Variants in ESYT2 observed in about 807,000 individuals in gnomAD.
The protein encoded by ESYT2 is extended synaptotagmin-2.
Under a neutral mutation model 107.2 loss-of-function variants are expected in ESYT2, and 54 were observed. That is an observed-to-expected ratio of 0.50 (90% CI 0.40 to 0.63). The LOEUF is 0.63. Among genes scored for constraint, ESYT2 ranks in the 30% least tolerant of loss-of-function variants. The pLI is 0.00. For missense variants in ESYT2, 1,020 were observed against 1,094.5 expected, an observed-to-expected ratio of 0.93 and a Z score of 0.96; for synonymous variants, 491 against 434.1, an observed-to-expected ratio of 1.13 and a Z score of -1.63.
At chr7:158,795,649 A>G (rs1420679028) in intron 3 of ESYT2, among the ~76,000 whole-genome samples, 1 of 152,202 alleles carries the variant, frequency 6.6e-6, no homozygotes, top group Non-Finnish European at 1.5e-5. Flanking sequence ...CCCCTGCTTT[A>G]CAGCATTTAA....
At chr7:158,734,493 G>T (rs201696543) in intron 21 of ESYT2, 22 bp from the exon 22 acceptor site, 17 of 1,609,430 alleles carry the variant, frequency 1.1e-5, no homozygotes, top group Non-Finnish European at 1.4e-5. Context: ...TAAAAAAGCA[G>T]TTAAAGTAGG....
intron 1 of ESYT2, among the ~76,000 whole-genome samples, chr7:158,813,242 C>A (rs926781540): frequency 1.3e-5 from 2 of 152,142 alleles, no homozygotes; most frequent in Non-Finnish European, 2.9e-5. Flanking sequence ...GTAAAAAGAT[C>A]AGTAAGCACA....
chr7:158,758,393 CG>C (rs1837840535), intron 13 of ESYT2, among the ~76,000 whole-genome samples: 1 of 152,148 alleles, frequency 6.6e-6, no homozygotes, highest in African/African-American at 2.4e-5. Context: ...AGTCTGACCA[CG>C]GCAAGGCAAG....
chr7:158,747,450 A>G (rs1315268847), intron 16 of ESYT2, among the ~76,000 whole-genome samples: 5 of 152,144 alleles, frequency 3.3e-5, no homozygotes, highest in Non-Finnish European at 7.4e-5. Flanking sequence ...CTGAATAGAC[A>G]TTTCACCATA....
In ESYT2 at chr7:158,819,642, T is replaced by C. The variant is rs1156795960; in HGVS notation, c.330+9447A>G. Among the ~76,000 whole-genome samples, 4 of 152,234 alleles carry C rather than the reference T, an allele frequency of 2.6e-5. No homozygotes were observed. The South Asian group carries it at 8.3e-4, about 31-fold the overall frequency. On this transcript the variant is annotated intron_variant, in intron 1 of 22. Transcript: ENST00000275418. ...CCAATGTAATGTTATCACTAGTTAG[T>C]AGAATTGCAGGTAACGTTTTTCTTC... is the stretch of plus-strand genomic sequence containing the variant.
rs77570412 is a variant in ESYT2 at position 158,809,877 on chromosome 7, C to A, written c.331-10805G>T. 4.9e-3 allele frequency among the ~76,000 whole-genome samples: 746 copies of A among 152,312 alleles called. 6 individuals are homozygous for A. The highest frequency in any genetic ancestry group is 0.017 in the African/African-American group (722 of 41,568). ...GCTGGCTGTTTCTGTAGCTCACTTT[C>A]TTTTTTCTGCTCATAAATCTTCTTC... On this transcript the variant is annotated intron_variant, in intron 1 of 22. Coordinates refer to ENST00000275418, the MANE Select transcript of ESYT2 (RefSeq NM_001367773.1).
intron 1 of ESYT2, among the ~76,000 whole-genome samples, chr7:158,809,708 G>T (rs1419850689): frequency 2.0e-5 from 3 of 152,172 alleles, no homozygotes; most frequent in Admixed American, 6.5e-5. Flanking sequence ...TTAACACATT[G>T]TAAGTTTCAG....
chr7:158,742,358 A>G (rs1435668904), intron 17 of ESYT2, among the ~76,000 whole-genome samples: 1 of 152,186 alleles, frequency 6.6e-6, no homozygotes, highest in East Asian at 1.9e-4. Context: ...CATCCTCCCC[A>G]GGCCACGTCT....
At chr7:158,745,207 C>G (rs1837355929) in intron 16 of ESYT2, among the ~76,000 whole-genome samples, 1 of 110,514 alleles carries the variant, frequency 9.0e-6, no homozygotes, top group Non-Finnish European at 2.2e-5. Flanking sequence ...ACTCACCTAT[C>G]TAATGAGACA....
At chr7:158,755,423 C>T (rs181527239) in intron 13 of ESYT2, among the ~76,000 whole-genome samples, 20 of 152,268 alleles carry the variant, frequency 1.3e-4, no homozygotes, top group East Asian at 7.7e-4. Context: ...ATTTTGGTAA[C>T]GCTCCTGATA....
Position 158,793,699 on chromosome 7 carries a change from A to G in ESYT2, c.535T>C (p.Tyr179His). Residue 179 changes from tyrosine to histidine, a missense_variant, in exon 4 of 23, where the codon TAC (tyrosine) becomes CAC (histidine). Physicochemically the swap from Tyr to His is moderately conservative, Grantham distance 83 (BLOSUM62 2). Coordinates refer to ENST00000275418, the MANE Select transcript of ESYT2 (RefSeq NM_001367773.1). ...TGCCTTTTGTCTACATTTTCAGTGT[A>G]TACCTTAACACCATTGATCCTGAGG... ...QPLRINGVKVYTENVDKRQII... is the reference protein window; with the variant it reads ...QPLRINGVKVHTENVDKRQII... The G allele has an allele frequency of 6.2e-7, 1 of 1,613,630 alleles. No individual in the cohort carries two copies. The highest frequency in any genetic ancestry group is 8.5e-7 in the Non-Finnish European group (1 of 1,179,842).
intron 1 of ESYT2, among the ~76,000 whole-genome samples, chr7:158,818,866 G>C (rs927636846): frequency 1.3e-5 from 2 of 152,246 alleles, no homozygotes; most frequent in Non-Finnish European, 2.9e-5. Flanking sequence ...GACGGTGGGA[G>C]CCTCAAAGCT....
intron 9 of ESYT2, 64 bp from the exon 10 acceptor site, chr7:158,763,229 T>C (rs1838035360): frequency 1.8e-6 from 2 of 1,114,732 alleles, no homozygotes; most frequent in South Asian, 1.6e-5. Context: ...CTGAGTATGA[T>C]ATGATGATTG....
chr7:158,820,943 G>C (rs913477250), intron 1 of ESYT2, among the ~76,000 whole-genome samples: 2 of 152,168 alleles, frequency 1.3e-5, no homozygotes, highest in East Asian at 1.9e-4. Context: ...ACCTAACACA[G>C]TACCTAGAAC....
At chr7:158,766,915 C>T (rs1030445806) in intron 8 of ESYT2, among the ~76,000 whole-genome samples, 5 of 152,136 alleles carry the variant, frequency 3.3e-5, no homozygotes. Flanking sequence ...TTCACTCCAC[C>T]CACCCCTTCC....
chr7:158,821,369 A>C (rs1001359313), intron 1 of ESYT2, among the ~76,000 whole-genome samples: 2 of 152,240 alleles, frequency 1.3e-5, no homozygotes, highest in African/African-American at 4.8e-5. Flanking sequence ...CCCGGCTATT[A>C]CAGTAGTACA....
intron 3 of ESYT2, among the ~76,000 whole-genome samples, chr7:158,794,011 C>T (rs1839384945): frequency 6.6e-6 from 1 of 152,226 alleles, no homozygotes; most frequent in East Asian, 1.9e-4. Flanking sequence ...TTGCCCACAG[C>T]AGTTAATAAG....
chr7:158,810,648 C>T (rs990450409), intron 1 of ESYT2, among the ~76,000 whole-genome samples: 1 of 152,010 alleles, frequency 6.6e-6, no homozygotes, highest in African/African-American at 2.4e-5. Flanking sequence ...CGTCACTGCG[C>T]TCCAGCCTGG....
intron 20 of ESYT2, 99 bp from the exon 21 acceptor site, chr7:158,735,707 ATGTT>A: frequency 3.5e-5 from 36 of 1,037,756 alleles, no homozygotes; most frequent in Non-Finnish European, 5.0e-5. Context: ...TCCAAATGTC[ATGTT>A]TGTTTTTTAT....
Sources: allele counts gnomAD v4.1 joint callset (sites outside exome capture counted in the v4.1 genomes callset), GRCh38; gene constraint gnomAD v4.1.1; transcripts MANE v1.5; gene names NCBI Gene and HGNC (gene_info 2026-07-23, HGNC 2026-07-21).